The following SCLT1 variants were observed in gnomAD, a reference collection of about 807,000 sequenced individuals.
SCLT1 encodes the protein sodium channel-associated protein 1.
In SCLT1, 78 loss-of-function variants were observed where a neutral mutation model predicts 112.8. The observed-to-expected ratio is 0.69, with a 90% CI of 0.58 to 0.83. The LOEUF (loss-of-function observed/expected upper bound fraction) is 0.83, where lower values mean the gene tolerates loss of function less well. SCLT1 is among the 40% of genes least tolerant of loss of function. The probability of loss-of-function intolerance (pLI) is 0.00; values close to 1 mark genes in which losing one functional copy is unlikely to be tolerated. For missense variants in SCLT1, 747 were observed against 770.4 expected (o/e 0.97, Z 0.36); for synonymous variants, 257 against 254.7 (o/e 1.01, Z -0.09).
intron 9 of SCLT1, among the ~76,000 whole-genome samples, chr4:128,991,625 G>A (rs536114569): frequency 4.0e-5 from 6 of 151,534 alleles, no homozygotes; most frequent in Non-Finnish European, 7.4e-5. Context: ...AAAACAACTC[G>A]AGAGGAAGAA....
chr4:129,047,891 G>C (rs1286015107), intron 2 of SCLT1, among the ~76,000 whole-genome samples: 2 of 151,972 alleles, frequency 1.3e-5, no homozygotes, highest in East Asian at 1.9e-4. Flanking sequence ...TTCATCTCTT[G>C]TCAGATAAAT....
chr4:128,885,681 G>C (rs568984430), intron 20 of SCLT1, among the ~76,000 whole-genome samples: 14 of 152,206 alleles, frequency 9.2e-5, no homozygotes. Flanking sequence ...CCAGGTGCAA[G>C]TGTGGGTCAA....
intron 6 of SCLT1, among the ~76,000 whole-genome samples, chr4:129,001,498 A>G (rs1215821548): frequency 6.6e-6 from 1 of 152,126 alleles, no homozygotes; most frequent in Non-Finnish European, 1.5e-5. Context: ...CAAATGTTTC[A>G]TTACGATAAA....
intron 18 of SCLT1, among the ~76,000 whole-genome samples, chr4:128,895,946 C>T (rs1485523819): frequency 6.6e-6 from 1 of 152,234 alleles, no homozygotes; most frequent in East Asian, 1.9e-4. Context: ...ATTGCTAGCA[C>T]AGCAGTCTGA....
chr4:129,046,304 A>G (rs75230838), intron 2 of SCLT1, among the ~76,000 whole-genome samples: 1 of 152,106 alleles, frequency 6.6e-6, no homozygotes, highest in African/African-American at 2.4e-5. Flanking sequence ...AACTATGTAT[A>G]TGACCAACAA....
At chr4:128,934,197 A>G (rs1737000681) in intron 18 of SCLT1, among the ~76,000 whole-genome samples, 1 of 151,898 alleles carries the variant, frequency 6.6e-6, no homozygotes, top group African/African-American at 2.4e-5. Flanking sequence ...CTCTCCTCTC[A>G]GAAATTACCT....
rs762215370 is a variant in SCLT1 at position 128,942,997 on chromosome 4, T to C, written c.1631A>G (p.Lys544Arg). The part of the protein sequence containing the change: ...ALEAQKKAKV[K>R]ISTMEHEFSI... ...ATTTAACTCTAGTCTTGAAAATACC[T>C]TTACTTTGGCTTTTTTTTGAGCCTC... The change falls in exon 17 of 21, where the codon AAG (lysine) becomes AGG (arginine). Residue 544 changes from lysine to arginine, a missense_variant and splice_region_variant. Physicochemically the swap from Lys to Arg is conservative, Grantham distance 26. Transcript: ENST00000281142. 32 of 1,602,268 alleles carry C rather than the reference T, an allele frequency of 2.0e-5. No homozygotes were observed. In the East Asian group the frequency reaches 6.7e-4, roughly 34 times the overall value.
At chr4:128,908,380 T>TAAA (rs11432450) in intron 18 of SCLT1, among the ~76,000 whole-genome samples, 1 of 137,714 alleles carries the variant, frequency 7.3e-6, no homozygotes. Flanking sequence ...TCCTGTTAAT[T>TAAA]AAAAAAAAAA....
At chr4:129,084,780 C>T (rs765254158) in intron 1 of SCLT1, among the ~76,000 whole-genome samples, 3 of 152,144 alleles carry the variant, frequency 2.0e-5, no homozygotes, top group African/African-American at 4.8e-5. Context: ...GGAAAGAATT[C>T]CCTACTTTAA....
chr4:128,886,797 T>G (rs1055301019), intron 20 of SCLT1, among the ~76,000 whole-genome samples: 1 of 152,214 alleles, frequency 6.6e-6, no homozygotes, highest in African/African-American at 2.4e-5. Flanking sequence ...GGTTTAATTT[T>G]TTCAGGGGAG....
At chr4:128,953,385 C>T (rs1052667957) in intron 13 of SCLT1, among the ~76,000 whole-genome samples, 3 of 152,100 alleles carry the variant, frequency 2.0e-5, no homozygotes, top group Non-Finnish European at 4.4e-5. Flanking sequence ...ATCATACAGC[C>T]TCTGGAAAAC....
At chr4:128,999,002 C>G (rs988357271) in intron 7 of SCLT1, among the ~76,000 whole-genome samples, 2 of 151,852 alleles carry the variant, frequency 1.3e-5, no homozygotes, top group Non-Finnish European at 2.9e-5. Flanking sequence ...AAAGAACCAA[C>G]AGAAGAATAA....
chr4:129,077,184 G>A (rs1241900212), intron 2 of SCLT1, among the ~76,000 whole-genome samples: 1 of 152,080 alleles, frequency 6.6e-6, no homozygotes. Flanking sequence ...TGATCATTAT[G>A]TAATAACTGC....
At position 128,884,346 on chromosome 4, in the gene SCLT1, C is replaced by T. The variant is rs946024490; in HGVS notation, c.*131G>A. On this transcript the variant is annotated 3_prime_UTR_variant, in exon 21 of 21. Coordinates refer to ENST00000281142, the MANE Select transcript of SCLT1 (RefSeq NM_144643.4). ...CTCTGTTTTCCAATAACCCTCAAAACAGAACAACAATGCTTACGCGAAATA... is the reference window on the plus strand; with the variant it reads ...CTCTGTTTTCCAATAACCCTCAAAATAGAACAACAATGCTTACGCGAAATA... 8 of 587,654 alleles carry T rather than the reference C, an allele frequency of 1.4e-5. No homozygotes were observed. The highest frequency in any genetic ancestry group is 2.4e-5 in the Non-Finnish European group (8 of 334,280). 36.4% of individuals were successfully genotyped at this position (587,654 alleles called of 1,614,324 possible). A position where few individuals can be genotyped will look rare whatever the true frequency, so the allele number is the denominator to read the frequency against.
chr4:128,993,965 A>G (rs1742793260), intron 8 of SCLT1, among the ~76,000 whole-genome samples: 3 of 152,244 alleles, frequency 2.0e-5, no homozygotes, highest in South Asian at 2.1e-4. Flanking sequence ...ATGTCAGAGC[A>G]TATCTATTGC....
intron 18 of SCLT1, among the ~76,000 whole-genome samples, chr4:128,905,253 T>C (rs1734605909): frequency 6.6e-6 from 1 of 152,192 alleles, no homozygotes; most frequent in South Asian, 2.1e-4. Context: ...TTCCTCCTTT[T>C]TCCTTCATGC....
intron 18 of SCLT1, among the ~76,000 whole-genome samples, chr4:128,927,489 T>C (rs1411730959): frequency 6.6e-6 from 1 of 151,652 alleles, no homozygotes; most frequent in Non-Finnish European, 1.5e-5. Context: ...GCAGGAAAAC[T>C]GCTTGAACCT....
intron 8 of SCLT1, among the ~76,000 whole-genome samples, chr4:128,995,942 A>G (rs1047252565): frequency 6.6e-6 from 1 of 151,930 alleles, no homozygotes; most frequent in African/African-American, 2.4e-5. Context: ...GTCCAAACCA[A>G]TGCCTCCATT....
chr4:129,036,464 T>C (rs1363054868), intron 5 of SCLT1: 2 of 152,094 alleles, frequency 1.3e-5, no homozygotes, highest in African/African-American at 2.4e-5. Flanking sequence ...ATATTTATAA[T>C]ATTCTTTACT....
Sources: allele counts gnomAD v4.1 joint callset (sites outside exome capture counted in the v4.1 genomes callset), GRCh38; gene constraint gnomAD v4.1.1; transcripts MANE v1.5; gene names NCBI Gene and HGNC (gene_info 2026-07-23, HGNC 2026-07-21).